CPQ: variants seen among roughly 807,000 people sequenced by gnomAD.
CPQ encodes the protein carboxypeptidase Q, also known as Ser-Met dipeptidase.
CPQ carries 37 observed loss-of-function variants against 45.7 expected under a neutral mutation model. The ratio of observed to expected loss-of-function variants is 0.81; its 90% confidence interval spans 0.62 to 1.07. The LOEUF (loss-of-function observed/expected upper bound fraction) is 1.07, where lower values mean the gene tolerates loss of function less well. Ranked by LOEUF, CPQ falls within the 50% of genes least tolerant of loss-of-function variation. The pLI, the probability that CPQ is intolerant of heterozygous loss-of-function variation, is 0.00. For missense variants in CPQ, 537 were observed against 572.9 expected (o/e 0.94, Z 0.64); for synonymous variants, 186 against 205.8 (o/e 0.90, Z 0.82).
In CPQ at chr8:97,143,452, T is replaced by C. The variant is rs76520071; in HGVS notation, c.*269T>C. On this transcript the variant is annotated 3_prime_UTR_variant, in exon 8 of 8. Transcript: ENST00000220763. Reference sequence around the variant, plus strand: ...TCTTTATATCACCTCTTAAAAACATTGTTTCCACTTTAAAAGTAAACACTT... The same window carrying C: ...TCTTTATATCACCTCTTAAAAACATCGTTTCCACTTTAAAAGTAAACACTT... 575 of 265,420 alleles carry C rather than the reference T, an allele frequency of 2.2e-3. 14 individuals are homozygous for C. The East Asian group carries it at 0.038, about 18-fold the overall frequency. The allele number at this position is 265,420 out of a possible 1,614,324, so 16.4% of individuals were successfully genotyped here.
At chr8:96,785,433 C>T (rs1164360162) in intron 2 of CPQ, 103 bp downstream of exon 2, 2 of 1,023,506 alleles carry the variant, frequency 2.0e-6, no homozygotes, top group East Asian at 2.6e-5. Context: ...TGGATAATTT[C>T]CTATTCCATT....
At chr8:96,901,383 A>G (rs983241696) in intron 4 of CPQ, among the ~76,000 whole-genome samples, 13 of 151,934 alleles carry the variant, frequency 8.6e-5, no homozygotes, top group African/African-American at 2.9e-4. Flanking sequence ...CTGCCTGCCA[A>G]CTCTGATGCA....
intron 1 of CPQ, among the ~76,000 whole-genome samples, chr8:96,746,990 T>C (rs1810194397): frequency 6.6e-6 from 1 of 152,030 alleles, no homozygotes; most frequent in African/African-American, 2.4e-5. Context: ...TGGGATTTGG[T>C]GTATTTAAAA....
intron 1 of CPQ, among the ~76,000 whole-genome samples, chr8:96,672,111 AG>A (rs1809012085): frequency 2.0e-5 from 3 of 152,292 alleles, no homozygotes; most frequent in Non-Finnish European, 4.4e-5. Flanking sequence ...GAAAACAAAC[AG>A]GAGGCAAAAA....
At position 96,964,132 on chromosome 8, in the gene CPQ, T is replaced by A. The variant is rs1440063043; in HGVS notation, c.850-1803T>A. Among the ~76,000 whole-genome samples the A allele has an allele frequency of 2.0e-5, 3 of 150,314 alleles. No individual in the cohort carries two copies. In the East Asian group the frequency reaches 5.9e-4, roughly 29 times the overall value. On this transcript the variant is annotated intron_variant, in intron 4 of 7. Coordinates refer to ENST00000220763, the MANE Select transcript of CPQ (RefSeq NM_016134.4). Reference sequence around the variant, plus strand: ...GAAGGGTTAGGCCTATTATGAATACTCTGTTATGAACATTCCAGTACATCT... The same window carrying A: ...GAAGGGTTAGGCCTATTATGAATACACTGTTATGAACATTCCAGTACATCT...
chr8:96,667,359 T>G (rs1348665575), intron 1 of CPQ, among the ~76,000 whole-genome samples: 1 of 151,240 alleles, frequency 6.6e-6, no homozygotes, highest in Non-Finnish European at 1.5e-5. Context: ...TTCTTTTTTT[T>G]TTTTTTTTTG....
At chr8:96,915,495 T>A (rs1355143914) in intron 4 of CPQ, among the ~76,000 whole-genome samples, 2 of 152,158 alleles carry the variant, frequency 1.3e-5, no homozygotes, top group Non-Finnish European at 2.9e-5. Flanking sequence ...TACCCACCCA[T>A]GTAGAGCAAA....
chr8:96,764,150 G>T (rs1287671541), intron 1 of CPQ, among the ~76,000 whole-genome samples: 1 of 152,136 alleles, frequency 6.6e-6, no homozygotes, highest in Admixed American at 6.5e-5. Context: ...ATCAATAAGT[G>T]ATTGGATAAA....
chr8:96,951,070 G>A (rs1563536715), intron 4 of CPQ, among the ~76,000 whole-genome samples: 1 of 152,100 alleles, frequency 6.6e-6, no homozygotes, highest in Admixed American at 6.6e-5. Flanking sequence ...AGTTAAAACA[G>A]ATGAAATAAT....
At chr8:97,070,091 G>C (rs986216104) in intron 7 of CPQ, among the ~76,000 whole-genome samples, 1 of 152,126 alleles carries the variant, frequency 6.6e-6, no homozygotes, top group Non-Finnish European at 1.5e-5. Flanking sequence ...TATCTTGGAT[G>C]TACTTTCCGC....
chr8:97,038,604 C>T (rs1302704404), intron 6 of CPQ, among the ~76,000 whole-genome samples: 1 of 152,076 alleles, frequency 6.6e-6, no homozygotes, highest in East Asian at 1.9e-4. Context: ...AGTCAGCAAA[C>T]CACTTTTCAA....
chr8:97,100,211 C>T (rs938753675), intron 7 of CPQ, among the ~76,000 whole-genome samples: 1 of 152,164 alleles, frequency 6.6e-6, no homozygotes, highest in Admixed American at 6.5e-5. Context: ...TGATACAGTT[C>T]TCCAGAATTA....
At position 96,881,541 on chromosome 8, in the gene CPQ, C is replaced by T. The variant is rs185248567; in HGVS notation, c.849+1536C>T. ...ATTACAATTCCACATGAGATTTGGGCAGGGACACAGATCTAAATCATATGA... is the reference window on the plus strand; with the variant it reads ...ATTACAATTCCACATGAGATTTGGGTAGGGACACAGATCTAAATCATATGA... On this transcript the variant is annotated intron_variant, in intron 4 of 7. Coordinates refer to ENST00000220763, the MANE Select transcript of CPQ (RefSeq NM_016134.4). 2.6e-5 allele frequency among the ~76,000 whole-genome samples: 4 copies of T among 152,282 alleles called. No individual in the cohort carries two copies. In the East Asian group the frequency reaches 7.7e-4, roughly 29 times the overall value.
At chr8:96,971,153 C>T (rs1027498719) in intron 5 of CPQ, among the ~76,000 whole-genome samples, 4 of 152,182 alleles carry the variant, frequency 2.6e-5, no homozygotes, top group African/African-American at 7.2e-5. Context: ...AGATGCACTT[C>T]TGGAAGTGAG....
At chr8:97,127,560 G>A (rs774938169) in intron 7 of CPQ, among the ~76,000 whole-genome samples, 10 of 152,042 alleles carry the variant, frequency 6.6e-5, no homozygotes, top group Non-Finnish European at 1.2e-4. Flanking sequence ...GTGGTGGCAC[G>A]CACCTGTAGT....
At chr8:96,847,601 A>C (rs771560324) in intron 3 of CPQ, among the ~76,000 whole-genome samples, 3 of 152,234 alleles carry the variant, frequency 2.0e-5, no homozygotes, top group Non-Finnish European at 2.9e-5. Flanking sequence ...ACCACAGATA[A>C]GTCAACTAAT....
chr8:97,053,706 T>C (rs1362124765), intron 6 of CPQ, among the ~76,000 whole-genome samples: 6 of 152,176 alleles, frequency 3.9e-5, no homozygotes, highest in Non-Finnish European at 8.8e-5. Flanking sequence ...CTTTTGAGCA[T>C]AGGAGAAACA....
intron 7 of CPQ, among the ~76,000 whole-genome samples, chr8:97,068,803 T>C (rs1465342444): frequency 1.3e-5 from 2 of 152,184 alleles, no homozygotes; most frequent in Non-Finnish European, 2.9e-5. Flanking sequence ...AACAGACTCA[T>C]AAGGGTTAAA....
At chr8:96,802,518 A>G (rs1019816033) in intron 2 of CPQ, among the ~76,000 whole-genome samples, 2 of 152,188 alleles carry the variant, frequency 1.3e-5, no homozygotes, top group Admixed American at 1.3e-4. Context: ...TGAATAGACC[A>G]AGGCCTTGTG....
Sources: allele counts gnomAD v4.1 joint callset (sites outside exome capture counted in the v4.1 genomes callset), GRCh38; gene constraint gnomAD v4.1.1; transcripts MANE v1.5; gene names NCBI Gene and HGNC (gene_info 2026-07-23, HGNC 2026-07-21).